The following CCDC80 variants were observed in gnomAD, a reference collection of about 807,000 sequenced individuals.
The protein encoded by CCDC80 is coiled-coil domain-containing protein 80.
CCDC80 carries 49 observed loss-of-function variants against 78.7 expected under a neutral mutation model. That is an observed-to-expected ratio of 0.62 (90% CI 0.50 to 0.79). CCDC80 has a LOEUF of 0.79. Among genes scored for constraint, CCDC80 ranks in the 30% least tolerant of loss-of-function variants. CCDC80 has a pLI of 0.00. For synonymous variants in CCDC80, 488 were observed against 447.0 expected (o/e 1.09, Z -1.16); for missense variants, 1,205 against 1,198.6 (o/e 1.01, Z -0.08).
chr3:112,625,666 A>G (rs1293783889), intron 3 of CCDC80, among the ~76,000 whole-genome samples: 2 of 152,148 alleles, frequency 1.3e-5, no homozygotes, highest in Non-Finnish European at 2.9e-5. Context: ...AATATGCTAT[A>G]TTTTGTATAA....
In CCDC80 at chr3:112,603,499, A is replaced by G. The variant is rs1005492649; in HGVS notation, c.*1918T>C. ...CACTGCACTCCAGCCTGGGTGACAG[A>G]GCGAGACTCCATCTCGAAAAAAATA... is the stretch of plus-strand genomic sequence containing the variant. On this transcript the variant is annotated 3_prime_UTR_variant, in exon 8 of 8. Transcript: ENST00000206423. 3 of 149,624 alleles carry G rather than the reference A, an allele frequency of 2.0e-5. No individual in the cohort carries two copies. The highest frequency in any genetic ancestry group is 3.0e-5 in the Non-Finnish European group (2 of 67,600). 9.3% of individuals were successfully genotyped at this position (149,624 alleles called of 1,614,324 possible).
chr3:112,610,888 T>C (rs1024663733), intron 5 of CCDC80, among the ~76,000 whole-genome samples: 1 of 150,526 alleles, frequency 6.6e-6, no homozygotes, highest in Non-Finnish European at 1.5e-5. Context: ...TCTCAGTTTT[T>C]CCTTATTTCT....
chr3:112,603,761 A>G lies in CCDC80; in HGVS notation c.*1656T>C, dbSNP rs1464957760. 2.0e-5 allele frequency: 3 copies of G among 152,046 alleles called. No individual in the cohort carries two copies. The highest frequency in any genetic ancestry group is 7.2e-5 in the African/African-American group (3 of 41,398). 9.4% of individuals were successfully genotyped at this position (152,046 alleles called of 1,614,324 possible). ...TCATTTGCACTTTTCGTAAGACTAT[A>G]ACTGTCACAGATTGTGATCCCGCTA... On this transcript the variant is annotated 3_prime_UTR_variant, in exon 8 of 8. Transcript: ENST00000206423.
chr3:112,638,027 C>T lies in CCDC80; in HGVS notation c.1878+1G>A. The T allele has an allele frequency of 1.3e-6, 2 of 1,596,196 alleles. No homozygotes were observed. Among genetic ancestry groups the T allele is most frequent in the Non-Finnish European group, 1.7e-6 (2 of 1,174,424 alleles). ...AGAATGCCAAGGAGAAGGCTACTTA[C>T]AAGGAGTCTTCGTTTGCCTTCAAAG... On this transcript the variant is annotated splice_donor_variant, in intron 2 of 7. Coordinates refer to ENST00000206423, the MANE Select transcript of CCDC80 (RefSeq NM_199511.3). LOFTEE classifies it high-confidence loss of function.
At chr3:112,625,605 T>C (rs1174693079) in intron 3 of CCDC80, among the ~76,000 whole-genome samples, 1 of 152,012 alleles carries the variant, frequency 6.6e-6, no homozygotes, top group African/African-American at 2.4e-5. Context: ...TAAAGAAAGA[T>C]CTCCTAGAAA....
intron 6 of CCDC80, among the ~76,000 whole-genome samples, chr3:112,609,467 TA>T (rs537245787): frequency 2.6e-5 from 4 of 152,066 alleles, no homozygotes; most frequent in East Asian, 1.9e-4. Context: ...AATCCTTTTT[TA>T]AAAAAAATTC....
intron 3 of CCDC80, among the ~76,000 whole-genome samples, chr3:112,624,321 G>T (rs1425457366): frequency 6.6e-6 from 1 of 152,142 alleles, no homozygotes; most frequent in Non-Finnish European, 1.5e-5. Flanking sequence ...TTTTCAAGAA[G>T]TCAGTAGGGG....
In CCDC80 at chr3:112,619,082, C is replaced by G; in HGVS notation, c.2058G>C (p.Val686=). 1 of 1,601,002 alleles carries G rather than the reference C, an allele frequency of 6.2e-7. No homozygotes were observed. Among genetic ancestry groups the G allele is most frequent in the Non-Finnish European group, 8.5e-7 (1 of 1,175,350 alleles). The change falls in exon 4 of 8, where the codon GTG becomes GTC. Residue 686 remains valine, a synonymous_variant. Transcript: ENST00000206423. ...GGTCTACCAAGTCTTCATCATCCACCACTCGCATGGGCTTCTCATTATCTT... is the reference window on the plus strand; with the variant it reads ...GGTCTACCAAGTCTTCATCATCCACGACTCGCATGGGCTTCTCATTATCTT... The part of the protein sequence containing the change: ...FQLDNEKPMR[V]VDDEDLVDQR...
chr3:112,634,427 A>G (rs1400892555), intron 2 of CCDC80, among the ~76,000 whole-genome samples: 2 of 152,172 alleles, frequency 1.3e-5, no homozygotes, highest in African/African-American at 2.4e-5. Context: ...CTTCTCAGCT[A>G]TACTCCCCAT....
In CCDC80 at chr3:112,602,938, ACTTAC is replaced by A. The variant is rs1935399794; in HGVS notation, c.*2474_*2478del. The A allele has an allele frequency of 6.5e-6, 1 of 153,908 alleles. No homozygotes were observed. Among genetic ancestry groups the A allele is most frequent in the African/African-American group, 2.4e-5 (1 of 41,490 alleles). The allele number at this position is 153,908 out of a possible 1,614,324, so 9.5% of individuals were successfully genotyped here. On this transcript the variant is annotated 3_prime_UTR_variant, in exon 8 of 8. Transcript: ENST00000206423. ...ATATTGGAAGAAGATGCCATCTCAGACTTACGTATCTAGAGAGGAGTAGTCAATGC... is the reference window on the plus strand; with the variant it reads ...ATATTGGAAGAAGATGCCATCTCAGAGTATCTAGAGAGGAGTAGTCAATGC...
rs1935345905 is a variant in CCDC80 at position 112,599,946 on chromosome 3, T to C, written c.*5471A>G. The C allele has an allele frequency of 1.3e-5, 2 of 152,228 alleles. No homozygotes were observed. Among genetic ancestry groups the C allele is most frequent in the Admixed American group, 6.5e-5 (1 of 15,286 alleles). 9.4% of individuals were successfully genotyped at this position (152,228 alleles called of 1,614,324 possible). On this transcript the variant is annotated 3_prime_UTR_variant, in exon 8 of 8. Transcript: ENST00000206423. ...GATTTCCCCAACTCTACAGAATGCT[T>C]TTCTTTTTAAATACCATAATCCCAT... is the stretch of plus-strand genomic sequence containing the variant.
At position 112,604,474 on chromosome 3, in the gene CCDC80, C is replaced by T. The variant is rs192797121; in HGVS notation, c.*943G>A. 1 of 151,438 alleles carries T rather than the reference C, an allele frequency of 6.6e-6. No homozygotes were observed. The highest frequency in any genetic ancestry group is 2.4e-5 in the African/African-American group (1 of 41,300). 9.4% of individuals were successfully genotyped at this position (151,438 alleles called of 1,614,324 possible). A position where few individuals can be genotyped will look rare whatever the true frequency, so the allele number is the denominator to read the frequency against. On this transcript the variant is annotated 3_prime_UTR_variant, in exon 8 of 8. Transcript: ENST00000206423. ...AAGTATTTTTAAAATAAAACATGTA[C>T]ATTTTTTGGACATAAAGCTATTATA...
intron 2 of CCDC80, among the ~76,000 whole-genome samples, chr3:112,635,200 T>A (rs1936181191): frequency 6.6e-6 from 1 of 152,184 alleles, no homozygotes; most frequent in Admixed American, 6.5e-5. Context: ...ATCTAAAGAA[T>A]GCTATAAATA....
At chr3:112,632,690 C>T (rs1209386003) in intron 2 of CCDC80, among the ~76,000 whole-genome samples, 2 of 152,136 alleles carry the variant, frequency 1.3e-5, no homozygotes, top group Non-Finnish European at 2.9e-5. Flanking sequence ...TGGCATGAGG[C>T]CATGGATACC....
At position 112,603,218 on chromosome 3, in the gene CCDC80, A is replaced by G. The variant is rs1935405568; in HGVS notation, c.*2199T>C. 6.6e-6 allele frequency: 1 copy of G among 152,144 alleles called. No homozygotes were observed. The highest frequency in any genetic ancestry group is 1.5e-5 in the Non-Finnish European group (1 of 68,046). The allele number at this position is 152,144 out of a possible 1,614,324, so 9.4% of individuals were successfully genotyped here. A position where few individuals can be genotyped will look rare whatever the true frequency, so the allele number is the denominator to read the frequency against. On this transcript the variant is annotated 3_prime_UTR_variant, in exon 8 of 8. Transcript: ENST00000206423. The stretch of plus-strand genomic sequence containing the variant: ...TGAGTCTTACTGCTCAGAAAAAAAA[A>G]GAATCTTTTAAAAATATTGCTGTTC...
chr3:112,597,357 TG>T lies in CCDC80; in HGVS notation c.*8059del, dbSNP rs758978678. The T allele has an allele frequency of 6.6e-6, 1 of 152,224 alleles. No homozygotes were observed. Among genetic ancestry groups the T allele is most frequent in the Non-Finnish European group, 1.5e-5 (1 of 68,028 alleles). 9.4% of individuals were successfully genotyped at this position (152,224 alleles called of 1,614,324 possible). ...CTCTTAGCCGGAGCTGATCCTTACA[TG>T]GGCAGTAGACTATAAGTGTGTTAAT... On this transcript the variant is annotated 3_prime_UTR_variant, in exon 8 of 8. Transcript: ENST00000206423.
In CCDC80 at chr3:112,628,079, C is replaced by T. The variant is rs184033845; in HGVS notation, c.2035+2034G>A. Among the ~76,000 whole-genome samples, 209 of 152,302 alleles carry T rather than the reference C, an allele frequency of 1.4e-3. 1 individual carries two copies. Among genetic ancestry groups the T allele is most frequent in the Non-Finnish European group, 8.4e-4 (57 of 68,022 alleles). ...TTTGTGAAAGTGTTGGTAGGTAACA[C>T]ATTTGACACTGGGAACACCTGGTTT... is the stretch of plus-strand genomic sequence containing the variant. On this transcript the variant is annotated intron_variant, in intron 3 of 7. Transcript: ENST00000206423.
intron 3 of CCDC80, among the ~76,000 whole-genome samples, chr3:112,619,631 T>A (rs1935822630): frequency 6.6e-6 from 1 of 152,242 alleles, no homozygotes; most frequent in African/African-American, 2.4e-5. Context: ...CAGTTTCATT[T>A]GGGCTCCAAA....
At chr3:112,617,091 C>T (rs55637531) in intron 4 of CCDC80, among the ~76,000 whole-genome samples, 1 of 152,166 alleles carries the variant, frequency 6.6e-6, no homozygotes, top group African/African-American at 2.4e-5. Flanking sequence ...TAACTACGCT[C>T]CTTTTATTGG....
Sources: gnomAD v4.1 joint callset for allele counts (sites outside exome capture counted in the v4.1 genomes callset) on GRCh38, gnomAD v4.1.1 for gene constraint, MANE v1.5 for transcripts, NCBI Gene and HGNC (gene_info 2026-07-23, HGNC 2026-07-21) for gene names.